The following FRMD4A variants were observed in gnomAD, a reference collection of about 807,000 sequenced individuals.
FRMD4A encodes the protein FERM domain-containing protein 4A.
In FRMD4A, 29 loss-of-function variants were observed where a neutral mutation model predicts 129.1. The observed-to-expected ratio is 0.22, with a 90% CI of 0.17 to 0.31. The LOEUF (loss-of-function observed/expected upper bound fraction) is 0.31. Ranked by LOEUF, FRMD4A falls within the 10% of genes least tolerant of loss-of-function variation. FRMD4A has a pLI of 1.00. For missense variants in FRMD4A, 1,272 were observed against 1,375.8 expected, an observed-to-expected ratio of 0.92 and a Z score of 1.19; for synonymous variants, 634 against 571.6, an observed-to-expected ratio of 1.11 and a Z score of -1.56.
At position 14,125,530 on chromosome 10, in the gene FRMD4A, G is replaced by A. The variant is rs1203580640; in HGVS notation, c.45+204528C>T. On this transcript the variant is annotated intron_variant, in intron 2 of 24. Transcript: ENST00000357447. ...TCTTTAAACATACCAGCATGAAGAA[G>A]AGGAACAATCTGGGTGAGAGGGGCG... Among the ~76,000 whole-genome samples the A allele has an allele frequency of 2.6e-5, 4 of 152,184 alleles. No homozygotes were observed. In the East Asian group the frequency reaches 7.7e-4, roughly 29 times the overall value.
chr10:14,139,239 T>C (rs180869810), intron 2 of FRMD4A, among the ~76,000 whole-genome samples: 2 of 152,304 alleles, frequency 1.3e-5, no homozygotes, highest in Admixed American at 1.3e-4. Context: ...GTCAGAGATA[T>C]AATGGCTATG....
chr10:13,873,772 C>T (rs1402714217), intron 2 of FRMD4A, among the ~76,000 whole-genome samples: 6 of 151,684 alleles, frequency 4.0e-5, no homozygotes, highest in African/African-American at 1.5e-4. Flanking sequence ...GTCTCCAACT[C>T]CTGACCTCTG....
chr10:14,191,341 C>T (rs183874569), intron 2 of FRMD4A, among the ~76,000 whole-genome samples: 12 of 152,258 alleles, frequency 7.9e-5, no homozygotes, highest in African/African-American at 2.6e-4. Flanking sequence ...AAACAACAGT[C>T]GTTGAGAGAA....
At position 14,140,951 on chromosome 10, in the gene FRMD4A, C is replaced by A. The variant is rs117364919; in HGVS notation, c.45+189107G>T. On this transcript the variant is annotated intron_variant, in intron 2 of 24. Coordinates refer to ENST00000357447, the MANE Select transcript of FRMD4A (RefSeq NM_018027.5). ...ATTAGGCAAAGTGGCAGGGACCGGC[C>A]AGCAATTGTAGAAGGACAGCAGAGA... 4.8e-3 allele frequency among the ~76,000 whole-genome samples: 727 copies of A among 152,148 alleles called. 8 individuals are homozygous for A. The highest frequency in any genetic ancestry group is 0.043 in the East Asian group (224 of 5,168).
chr10:14,140,114 T>A (rs925851108), intron 2 of FRMD4A, among the ~76,000 whole-genome samples: 3 of 152,110 alleles, frequency 2.0e-5, no homozygotes, highest in African/African-American at 7.2e-5. Flanking sequence ...CAGGCTGGAG[T>A]GCACTGGCAT....
chr10:13,928,507 T>C (rs557608565), intron 2 of FRMD4A, among the ~76,000 whole-genome samples: 1 of 152,318 alleles, frequency 6.6e-6, no homozygotes, highest in East Asian at 1.9e-4. Context: ...GCACATTTTT[T>C]AAAGCCGTGG....
At chr10:13,972,545 T>C (rs1341632689) in intron 2 of FRMD4A, among the ~76,000 whole-genome samples, 1 of 152,160 alleles carries the variant, frequency 6.6e-6, no homozygotes, top group African/African-American at 2.4e-5. Flanking sequence ...CCGTTTTTTT[T>C]TTCGCCCCGC....
chr10:13,913,695 T>G (rs760712725), intron 2 of FRMD4A, among the ~76,000 whole-genome samples: 1 of 152,098 alleles, frequency 6.6e-6, no homozygotes, highest in Admixed American at 6.5e-5. Context: ...ACTGTATCCT[T>G]AGTACTAGTA....
intron 2 of FRMD4A, among the ~76,000 whole-genome samples, chr10:14,216,663 C>A (rs983355989): frequency 6.6e-6 from 1 of 152,040 alleles, no homozygotes; most frequent in African/African-American, 2.4e-5. Flanking sequence ...CCAGCAAGTC[C>A]TTCTCCTTGA....
At chr10:13,827,421 C>G (rs2093719555) in intron 3 of FRMD4A, among the ~76,000 whole-genome samples, 1 of 152,132 alleles carries the variant, frequency 6.6e-6, no homozygotes, top group Non-Finnish European at 1.5e-5. Flanking sequence ...CTGGGTGAGA[C>G]CTGATGTTAG....
chr10:14,000,501 G>C (rs2095637951), intron 2 of FRMD4A, among the ~76,000 whole-genome samples: 2 of 151,766 alleles, frequency 1.3e-5, no homozygotes, highest in Admixed American at 1.3e-4. Flanking sequence ...ACAAAAATTA[G>C]CCAGGCATGG....
intron 2 of FRMD4A, among the ~76,000 whole-genome samples, chr10:14,013,710 T>A (rs11595071): frequency 0.39 from 58,583 of 151,584 alleles, 13,058 homozygotes; most frequent in Non-Finnish European, 0.52. Context: ...GGCAGGTGGA[T>A]CCCCTGAGGT....
intron 5 of FRMD4A, among the ~76,000 whole-genome samples, chr10:13,788,820 G>T (rs779428414): frequency 9.8e-5 from 9 of 91,728 alleles, no homozygotes; most frequent in Non-Finnish European, 1.6e-4. Flanking sequence ...AAAGCCTCGG[G>T]GAGTCCCGTC....
chr10:14,206,187 G>T (rs762925435), intron 2 of FRMD4A, among the ~76,000 whole-genome samples: 1 of 152,076 alleles, frequency 6.6e-6, no homozygotes, highest in Non-Finnish European at 1.5e-5. Flanking sequence ...TCTAAGAGAC[G>T]CCACATAACC....
At chr10:14,240,170 C>T (rs191475920) in intron 2 of FRMD4A, among the ~76,000 whole-genome samples, 38 of 152,296 alleles carry the variant, frequency 2.5e-4, no homozygotes, top group African/African-American at 8.4e-4. Flanking sequence ...CTCTTCCCTT[C>T]CCCTCCGAAA....
rs1843534209 is a variant in FRMD4A, at chr10:14,228,739, A to C, written c.45+101319T>G. Among the ~76,000 whole-genome samples, 5 of 152,274 alleles carry C rather than the reference A, an allele frequency of 3.3e-5. No homozygotes were observed. The South Asian group carries it at 1.0e-3, about 32-fold the overall frequency. On this transcript the variant is annotated intron_variant, in intron 2 of 24. Coordinates refer to ENST00000357447, the MANE Select transcript of FRMD4A (RefSeq NM_018027.5). Reference sequence around the variant, plus strand: ...CAGATTAGGTTCTGGATTAATACACATCACTAATTTCTATTTGTTTGCTTT... The same window carrying C: ...CAGATTAGGTTCTGGATTAATACACCTCACTAATTTCTATTTGTTTGCTTT...
chr10:14,284,441 C>T (rs1481629362), intron 2 of FRMD4A, among the ~76,000 whole-genome samples: 1 of 152,088 alleles, frequency 6.6e-6, no homozygotes, highest in African/African-American at 2.4e-5. Flanking sequence ...GAGATCAGGA[C>T]ATCAAGACCG....
At chr10:14,216,362 C>T (rs974455976) in intron 2 of FRMD4A, among the ~76,000 whole-genome samples, 1 of 152,066 alleles carries the variant, frequency 6.6e-6, no homozygotes, top group African/African-American at 2.4e-5. Context: ...GGTACAGGAA[C>T]TGTATTTGCT....
At chr10:13,943,124 G>T (rs945692963) in intron 2 of FRMD4A, among the ~76,000 whole-genome samples, 2 of 152,098 alleles carry the variant, frequency 1.3e-5, no homozygotes, top group African/African-American at 4.8e-5. Flanking sequence ...ACATTTGGGA[G>T]GAACCGTGCT....
Sources: gnomAD v4.1 joint callset for allele counts (sites outside exome capture counted in the v4.1 genomes callset) on GRCh38, gnomAD v4.1.1 for gene constraint, MANE v1.5 for transcripts, NCBI Gene and HGNC (gene_info 2026-07-23, HGNC 2026-07-21) for gene names.